SPAG1: variants seen among roughly 807,000 people sequenced by gnomAD.
The protein encoded by SPAG1 is sperm-associated antigen 1.
A neutral mutation model predicts 100.5 loss-of-function variants in SPAG1; 69 were observed. That is an observed-to-expected ratio of 0.69 (90% CI 0.57 to 0.84). The LOEUF (loss-of-function observed/expected upper bound fraction) is 0.84. SPAG1 is among the 40% of genes least tolerant of loss of function. The pLI, the probability that SPAG1 is intolerant of heterozygous loss-of-function variation, is 0.00. For missense variants in SPAG1, 955 were observed against 1,133.1 expected (o/e 0.84, Z 2.26); for synonymous variants, 336 against 411.6 (o/e 0.82, Z 2.22).
At chr8:100,203,607 G>A (rs1477437571) in intron 10 of SPAG1, among the ~76,000 whole-genome samples, 2 of 152,186 alleles carry the variant, frequency 1.3e-5, no homozygotes, top group East Asian at 3.8e-4. Flanking sequence ...TCACTCATGA[G>A]AGGCAAGGAG....
At chr8:100,228,558 C>G (rs1193789402) in intron 14 of SPAG1, among the ~76,000 whole-genome samples, 1 of 151,760 alleles carries the variant, frequency 6.6e-6, no homozygotes, top group Non-Finnish European at 1.5e-5. Context: ...ACTAAAAATA[C>G]AAAAATTAGC....
intron 14 of SPAG1, among the ~76,000 whole-genome samples, chr8:100,229,624 C>G (rs921423342): frequency 2.0e-5 from 3 of 152,144 alleles, no homozygotes; most frequent in African/African-American, 7.2e-5. Context: ...TCAGCCTCCC[C>G]TGAACACGTG....
intron 10 of SPAG1, among the ~76,000 whole-genome samples, chr8:100,198,171 A>C (rs1817112434): frequency 6.6e-6 from 1 of 152,184 alleles, no homozygotes; most frequent in African/African-American, 2.4e-5. Flanking sequence ...TAAGAAAATT[A>C]AAGTCACTCA....
intron 16 of SPAG1, among the ~76,000 whole-genome samples, chr8:100,236,021 A>C (rs1369931639): frequency 1.3e-5 from 2 of 152,128 alleles, no homozygotes; most frequent in African/African-American, 2.4e-5. Flanking sequence ...CTTGGAGCAC[A>C]TTTACCTCTT....
At chr8:100,225,092 C>T in intron 13 of SPAG1, 81 bp from the exon 14 acceptor site, 3 of 1,199,814 alleles carry the variant, frequency 2.5e-6, no homozygotes, top group Non-Finnish European at 3.6e-6. Context: ...ATAGCATTTG[C>T]AAATTTTATT....
At chr8:100,195,567 T>C (rs1317283507) in intron 10 of SPAG1, among the ~76,000 whole-genome samples, 2 of 151,918 alleles carry the variant, frequency 1.3e-5, no homozygotes, top group Non-Finnish European at 2.9e-5. Flanking sequence ...AGGTAACCAG[T>C]TTTTCAAGGA....
chr8:100,203,567 A>AAATAACTC (rs1817380621), intron 10 of SPAG1, among the ~76,000 whole-genome samples: 1 of 152,196 alleles, frequency 6.6e-6, no homozygotes, highest in African/African-American at 2.4e-5. Flanking sequence ...AGAGTTATGC[A>AAATAACTC]AAATAAATGC....
intron 1 of SPAG1, chr8:100,158,895 T>C (rs1815184421): frequency 6.6e-6 from 1 of 151,366 alleles, no homozygotes; most frequent in Non-Finnish European, 1.5e-5. Context: ...GTGAGTTCTC[T>C]CACTTGATTG....
intron 3 of SPAG1, among the ~76,000 whole-genome samples, chr8:100,167,981 G>A (rs1462017274): frequency 6.6e-6 from 1 of 152,172 alleles, no homozygotes. Context: ...GTTGTTGCAT[G>A]TGTCCATAGT....
At chr8:100,161,839 C>T (rs1224439587) in intron 1 of SPAG1, among the ~76,000 whole-genome samples, 3 of 152,164 alleles carry the variant, frequency 2.0e-5, no homozygotes, top group African/African-American at 7.2e-5. Context: ...GATGAATGCA[C>T]GCTTACACAT....
chr8:100,165,966 A>G lies in SPAG1; in HGVS notation c.293A>G (p.Asp98Gly). 1 of 1,612,058 alleles carries G rather than the reference A, an allele frequency of 6.2e-7. No homozygotes were observed. Among genetic ancestry groups the G allele is most frequent in the Non-Finnish European group, 8.5e-7 (1 of 1,178,648 alleles). The change falls in exon 3 of 19, where the codon GAT becomes GGT. Residue 98 changes from aspartate (D) to glycine (G), a missense_variant. Coordinates refer to ENST00000388798, the MANE Select transcript of SPAG1 (RefSeq NM_003114.5). Reference sequence around the variant, plus strand: ...GAAGAATGGGAAAAAATTGATGGTGATATAAAGGTATATAGTAATACCAAT... The same window carrying G: ...GAAGAATGGGAAAAAATTGATGGTGGTATAAAGGTATATAGTAATACCAAT... ...TAEEWEKIDG[D>G]IKSWVSEIKK...
intron 10 of SPAG1, among the ~76,000 whole-genome samples, chr8:100,203,790 C>T (rs1817389845): frequency 6.6e-6 from 1 of 152,112 alleles, no homozygotes. Context: ...GCCAAGATTG[C>T]CCTGAGTGAG....
At chr8:100,210,674 C>T (rs1467618649) in intron 10 of SPAG1, among the ~76,000 whole-genome samples, 1 of 152,048 alleles carries the variant, frequency 6.6e-6, no homozygotes, top group African/African-American at 2.4e-5. Context: ...TGATCCCATC[C>T]ACATCCAAAC....
chr8:100,194,409 T>C (rs1191871351), intron 10 of SPAG1, 141 bp downstream of exon 10: 1 of 1,211,690 alleles, frequency 8.3e-7, no homozygotes, highest in Non-Finnish European at 1.2e-6. Context: ...CCAGTTTCGC[T>C]CATCTTTTTC....
chr8:100,187,154 A>G lies in SPAG1; in HGVS notation c.736A>G (p.Asn246Asp). The G allele has an allele frequency of 6.2e-7, 1 of 1,613,170 alleles. No homozygotes were observed. Among genetic ancestry groups the G allele is most frequent in the Middle Eastern group, 1.7e-4 (1 of 6,050 alleles). Residue 246 changes from asparagine (N) to aspartate (D), a missense_variant, in exon 8 of 19, where the codon AAC becomes GAC. Coordinates refer to ENST00000388798, the MANE Select transcript of SPAG1 (RefSeq NM_003114.5). The stretch of plus-strand genomic sequence containing the variant: ...AGCGCTTCCCACTGTAGTTGCCTAT[A>G]ACAATCGAGCTCAAGCAGAAATCAA... The part of the protein sequence containing the change: ...ISALPTVVAY[N>D]NRAQAEIKLQ...
rs1818451153 is a variant in SPAG1 at position 100,225,159 on chromosome 8, C to T, written c.1689-14C>T. On this transcript the variant is annotated splice_polypyrimidine_tract_variant and intron_variant, in intron 13 of 18. Coordinates refer to ENST00000388798, the MANE Select transcript of SPAG1 (RefSeq NM_003114.5). ...AACTAAATGATCAACAGAGAAAATT[C>T]ACTTTCTCTTTAGGCTATCAAGAAT... 1 of 1,588,596 alleles carries T rather than the reference C, an allele frequency of 6.3e-7. No individual in the cohort carries two copies. The highest frequency in any genetic ancestry group is 8.6e-7 in the Non-Finnish European group (1 of 1,162,684).
intron 12 of SPAG1, among the ~76,000 whole-genome samples, chr8:100,214,700 T>C (rs188799918): frequency 2.6e-5 from 4 of 152,142 alleles, no homozygotes; most frequent in African/African-American, 9.6e-5. Context: ...CAGTGGCTCA[T>C]GGCCAGGCAC....
intron 12 of SPAG1, among the ~76,000 whole-genome samples, chr8:100,218,085 C>T (rs1325428395): frequency 2.0e-5 from 3 of 152,162 alleles, no homozygotes; most frequent in African/African-American, 7.2e-5. Flanking sequence ...AGCCACCGTG[C>T]CTGGCCAGTT....
intron 1 of SPAG1, among the ~76,000 whole-genome samples, chr8:100,159,353 T>C (rs1815207722): frequency 6.6e-6 from 1 of 152,216 alleles, no homozygotes; most frequent in Non-Finnish European, 1.5e-5. Flanking sequence ...CACATCTAAT[T>C]TCTCAGCTAG....
Sources: gnomAD v4.1 joint callset for allele counts (sites outside exome capture counted in the v4.1 genomes callset) on GRCh38, gnomAD v4.1.1 for gene constraint, MANE v1.5 for transcripts, NCBI Gene and HGNC (gene_info 2026-07-23, HGNC 2026-07-21) for gene names.